Variants in GALNT17 observed in about 807,000 individuals in gnomAD.
The protein encoded by GALNT17 is polypeptide N-acetylgalactosaminyltransferase 17.
A neutral mutation model predicts 63.7 loss-of-function variants in GALNT17; 29 were observed. The observed-to-expected ratio is 0.46, with a 90% CI of 0.34 to 0.62. The LOEUF (loss-of-function observed/expected upper bound fraction) is 0.62, where lower values mean the gene tolerates loss of function less well. Ranked by LOEUF, GALNT17 falls within the 20% of genes least tolerant of loss-of-function variation. The pLI is 0.01. For synonymous variants in GALNT17, 305 were observed against 318.3 expected (o/e 0.96, Z 0.45); for missense variants, 603 against 799.6 (o/e 0.75, Z 2.97).
At chr7:71,598,573 C>G (rs996048956) in intron 6 of GALNT17, among the ~76,000 whole-genome samples, 8 of 152,050 alleles carry the variant, frequency 5.3e-5, no homozygotes, top group Non-Finnish European at 8.8e-5. Flanking sequence ...TAGTAGATTT[C>G]AGATAGAAAG....
intron 5 of GALNT17, among the ~76,000 whole-genome samples, chr7:71,470,118 A>C (rs1787603467): frequency 6.6e-6 from 1 of 152,206 alleles, no homozygotes; most frequent in African/African-American, 2.4e-5. Context: ...CTGAGGCATG[A>C]GAATCACTTG....
rs542287647 is a variant in GALNT17 at position 71,525,991 on chromosome 7, C to T, written c.963-45294C>T. Among the ~76,000 whole-genome samples the T allele has an allele frequency of 2.6e-5, 4 of 152,124 alleles. No individual in the cohort carries two copies. In the South Asian group the frequency reaches 8.3e-4, roughly 32 times the overall value. On this transcript the variant is annotated intron_variant, in intron 5 of 10. Transcript: ENST00000333538. ...CTGACCTCAAGTGATCCACCTGCCT[C>T]GGCCTCCCAAAGTGCTGGGATTACA... is the stretch of plus-strand genomic sequence containing the variant.
chr7:71,283,846 CTG>C (rs1174030615), intron 1 of GALNT17: 1 of 152,176 alleles, frequency 6.6e-6, no homozygotes, highest in Non-Finnish European at 1.5e-5. Context: ...GAGAACTTTT[CTG>C]TCTTACAAAG....
intron 2 of GALNT17, among the ~76,000 whole-genome samples, chr7:71,386,075 C>T (rs1025303790): frequency 2.0e-4 from 31 of 152,132 alleles, no homozygotes; most frequent in African/African-American, 7.0e-4. Context: ...ATGATTCCTG[C>T]CAACTGCCTG....
chr7:71,277,285 A>T (rs1266353143), intron 1 of GALNT17, among the ~76,000 whole-genome samples: 1 of 152,152 alleles, frequency 6.6e-6, no homozygotes, highest in Non-Finnish European at 1.5e-5. Context: ...GGAGCTGAAC[A>T]ATGGGTACAC....
Position 71,669,928 on chromosome 7 carries a change from A to C in GALNT17, c.1267-44A>C, listed in dbSNP as rs765525376. ...TCCACCTGTGCCCCACTCTGGCCAG[A>C]GCTCCACAGTCACTAACACCCCTTG... On this transcript the variant is annotated intron_variant, in intron 7 of 10. Transcript: ENST00000333538. 3.7e-6 allele frequency: 6 copies of C among 1,609,444 alleles called. No homozygotes were observed. The East Asian group carries it at 1.3e-4, about 36-fold the overall frequency.
intron 2 of GALNT17, among the ~76,000 whole-genome samples, chr7:71,349,406 A>G (rs564689460): frequency 6.6e-6 from 1 of 152,310 alleles, no homozygotes; most frequent in African/African-American, 2.4e-5. Context: ...ATTTAGAAGA[A>G]ATTCCGATCA....
chr7:71,165,237 G>C (rs748651576), intron 1 of GALNT17, among the ~76,000 whole-genome samples: 15 of 152,228 alleles, frequency 9.9e-5, no homozygotes, highest in Non-Finnish European at 2.2e-4. Flanking sequence ...GGCAATACTT[G>C]AAGTACCCAG....
At chr7:71,329,753 C>T (rs1791770571) in intron 1 of GALNT17, among the ~76,000 whole-genome samples, 4 of 152,084 alleles carry the variant, frequency 2.6e-5, no homozygotes, top group Admixed American at 6.6e-5. Flanking sequence ...GGAAATTCGA[C>T]CCCATGATGT....
intron 1 of GALNT17, among the ~76,000 whole-genome samples, chr7:71,290,304 C>A (rs573228720): frequency 3.9e-4 from 60 of 152,298 alleles, no homozygotes; most frequent in African/African-American, 1.4e-3. Context: ...GGGAAGACAT[C>A]TTTCGCTTTA....
chr7:71,356,092 C>T (rs576318251), intron 2 of GALNT17, among the ~76,000 whole-genome samples: 7 of 152,196 alleles, frequency 4.6e-5, no homozygotes, highest in African/African-American at 1.7e-4. Flanking sequence ...ATTCTCCTGC[C>T]TCAGCCTCTG....
intron 1 of GALNT17, among the ~76,000 whole-genome samples, chr7:71,218,396 G>T (rs547074025): frequency 9.6e-4 from 146 of 152,270 alleles, no homozygotes; most frequent in African/African-American, 3.4e-3. Context: ...GTGCAGCTCT[G>T]CTCTGCTCTC....
chr7:71,591,574 A>G (rs1789802297), intron 6 of GALNT17, among the ~76,000 whole-genome samples: 1 of 152,222 alleles, frequency 6.6e-6, no homozygotes, highest in African/African-American at 2.4e-5. Flanking sequence ...GGTATTTGCA[A>G]CCAAGTTATC....
intron 8 of GALNT17, among the ~76,000 whole-genome samples, chr7:71,673,735 C>G (rs1217308240): frequency 6.6e-6 from 1 of 152,222 alleles, no homozygotes; most frequent in Non-Finnish European, 1.5e-5. Flanking sequence ...CCACCTCAGC[C>G]TTCCAAGTAG....
At chr7:71,150,520 T>C (rs1315584784) in intron 1 of GALNT17, among the ~76,000 whole-genome samples, 2 of 150,890 alleles carry the variant, frequency 1.3e-5, no homozygotes, top group Non-Finnish European at 3.0e-5. Context: ...CTTTTTCTTT[T>C]TTTTTTTTTT....
At chr7:71,574,882 A>C (rs1789510251) in intron 6 of GALNT17, among the ~76,000 whole-genome samples, 1 of 152,150 alleles carries the variant, frequency 6.6e-6, no homozygotes, top group African/African-American at 2.4e-5. Context: ...CCTTTAGCAG[A>C]AAGGAGCCCA....
chr7:71,252,747 G>C (rs1426892927), intron 1 of GALNT17, among the ~76,000 whole-genome samples: 1 of 152,120 alleles, frequency 6.6e-6, no homozygotes, highest in Non-Finnish European at 1.5e-5. Flanking sequence ...GGAAAGTCAA[G>C]CTGGGAACAG....
intron 3 of GALNT17, among the ~76,000 whole-genome samples, chr7:71,413,446 A>G (rs1329503217): frequency 1.3e-5 from 2 of 151,240 alleles, no homozygotes; most frequent in East Asian, 2.0e-4. Flanking sequence ...CCTCACTGCA[A>G]CCTCCGCCTC....
chr7:71,198,869 G>A (rs771791460), intron 1 of GALNT17, among the ~76,000 whole-genome samples: 1 of 152,276 alleles, frequency 6.6e-6, no homozygotes, highest in South Asian at 2.1e-4. Context: ...GTTGGCTGCC[G>A]TGGTTCATAA....
Sources: gnomAD v4.1 joint callset for allele counts (sites outside exome capture counted in the v4.1 genomes callset) on GRCh38, gnomAD v4.1.1 for gene constraint, MANE v1.5 for transcripts, NCBI Gene and HGNC (gene_info 2026-07-23, HGNC 2026-07-21) for gene names.